The following CNTN5 variants were observed in gnomAD, a reference collection of about 807,000 sequenced individuals.
The protein encoded by CNTN5 is contactin 5.
A neutral mutation model predicts 129.1 loss-of-function variants in CNTN5; 77 were observed. The ratio of observed to expected loss-of-function variants is 0.60; its 90% CI spans 0.50 to 0.72. The LOEUF is 0.72. CNTN5 is among the 30% of genes least tolerant of loss of function. The probability of loss-of-function intolerance (pLI) is 0.00; values close to 1 mark genes in which losing one functional copy is unlikely to be tolerated. For synonymous variants in CNTN5, 509 were observed against 465.6 expected (o/e 1.09, Z -1.20); for missense variants, 1,478 against 1,328.8 (o/e 1.11, Z -1.75).
At chr11:99,277,551 T>C (rs2135877811) in intron 1 of CNTN5, among the ~76,000 whole-genome samples, 1 of 151,852 alleles carries the variant, frequency 6.6e-6, no homozygotes, top group South Asian at 2.1e-4. Context: ...ACATTGTTTT[T>C]TTCTGGGACA....
chr11:99,196,202 C>T (rs1260425067), intron 1 of CNTN5, among the ~76,000 whole-genome samples: 1 of 151,252 alleles, frequency 6.6e-6, no homozygotes, highest in African/African-American at 2.4e-5. Flanking sequence ...AATTAAACAA[C>T]AATCTGTTAA....
intron 20 of CNTN5, among the ~76,000 whole-genome samples, chr11:100,302,889 T>C (rs946388375): frequency 6.6e-6 from 1 of 151,664 alleles, no homozygotes; most frequent in African/African-American, 2.4e-5. Flanking sequence ...TGACATGTTT[T>C]TCAAAGAAAA....
At chr11:100,104,608 G>A (rs4754667) in intron 13 of CNTN5, among the ~76,000 whole-genome samples, 14,006 of 152,080 alleles carry the variant, frequency 0.092, 807 homozygotes, top group Admixed American at 0.13. Flanking sequence ...TTAGGTGAAG[G>A]TAACAGTTAA....
rs552699144 is a variant in CNTN5, at chr11:99,332,743, A to T, written c.-71+7259A>T. Among the ~76,000 whole-genome samples, 3 of 152,162 alleles carry T rather than the reference A, an allele frequency of 2.0e-5. No homozygotes were observed. In the East Asian group the frequency reaches 5.8e-4, roughly 29 times the overall value. On this transcript the variant is annotated intron_variant, in intron 2 of 24. Coordinates refer to ENST00000524871, the MANE Select transcript of CNTN5 (RefSeq NM_014361.4). ...CAGTGACAAGATGTCAAAATTAGGAAGCAGAAAACCCCTGCAGCTAATGTA... is the reference window on the plus strand; with the variant it reads ...CAGTGACAAGATGTCAAAATTAGGATGCAGAAAACCCCTGCAGCTAATGTA...
intron 1 of CNTN5, among the ~76,000 whole-genome samples, chr11:99,164,501 G>T (rs1468948621): frequency 6.6e-6 from 1 of 152,088 alleles, no homozygotes; most frequent in Non-Finnish European, 1.5e-5. Context: ...ATTAATTGGT[G>T]CTTCATTTTT....
At chr11:99,401,884 T>C (rs1338245437) in intron 2 of CNTN5, among the ~76,000 whole-genome samples, 3 of 152,130 alleles carry the variant, frequency 2.0e-5, no homozygotes, top group Non-Finnish European at 4.4e-5. Context: ...ACTGTTAGCA[T>C]ATAGAAATTC....
chr11:100,256,207 C>G (rs1250398379), intron 17 of CNTN5, among the ~76,000 whole-genome samples: 1 of 152,030 alleles, frequency 6.6e-6, no homozygotes, highest in Non-Finnish European at 1.5e-5. Flanking sequence ...TCCTGTGGAC[C>G]CACTCCCCAG....
chr11:100,211,726 T>G (rs921599489), intron 15 of CNTN5, among the ~76,000 whole-genome samples: 1 of 152,192 alleles, frequency 6.6e-6, no homozygotes, highest in Non-Finnish European at 1.5e-5. Context: ...AACCCTAGCT[T>G]TCAGCTCTAA....
Position 100,340,459 on chromosome 11 carries a change from A to C in CNTN5, c.2731-4A>C, listed in dbSNP as rs778736705. On this transcript the variant is annotated splice_region_variant and splice_polypyrimidine_tract_variant and intron_variant, in intron 21 of 24. Transcript: ENST00000524871. Reference sequence around the variant, plus strand: ...TAACCTGCCATGTGATAATTTGTTGATAGGTTGGTTACTGGAAAGACATGG... The same window carrying C: ...TAACCTGCCATGTGATAATTTGTTGCTAGGTTGGTTACTGGAAAGACATGG... 6.2e-7 allele frequency: 1 copy of C among 1,600,470 alleles called. No homozygotes were observed. The highest frequency in any genetic ancestry group is 1.1e-5 in the South Asian group (1 of 89,070).
intron 6 of CNTN5, among the ~76,000 whole-genome samples, chr11:99,860,285 T>A (rs1188044064): frequency 6.6e-6 from 1 of 152,130 alleles, no homozygotes; most frequent in East Asian, 1.9e-4. Context: ...AGTTTCTTTT[T>A]TTTTGTTGAG....
intron 2 of CNTN5, among the ~76,000 whole-genome samples, chr11:99,461,854 G>A: frequency 6.6e-6 from 1 of 152,084 alleles, no homozygotes; most frequent in South Asian, 2.1e-4. Flanking sequence ...ATAGAATTGT[G>A]TTACAATATC....
At chr11:99,780,108 C>T (rs546940921) in intron 3 of CNTN5, among the ~76,000 whole-genome samples, 1 of 152,016 alleles carries the variant, frequency 6.6e-6, no homozygotes, top group African/African-American at 2.4e-5. Flanking sequence ...GCAACGTTGC[C>T]TCTTCTCTTG....
chr11:100,337,627 G>T (rs1258208049), intron 21 of CNTN5: 1 of 699,652 alleles, frequency 1.4e-6, no homozygotes, highest in Non-Finnish European at 2.7e-6. Context: ...GCAGAATAAC[G>T]GGAACTAATT....
intron 3 of CNTN5, among the ~76,000 whole-genome samples, chr11:99,672,317 C>T (rs1001253095): frequency 6.6e-6 from 1 of 151,902 alleles, no homozygotes; most frequent in East Asian, 1.9e-4. Context: ...CCACCACGTC[C>T]TATAGTTTTT....
chr11:99,763,662 T>C (rs917797656), intron 3 of CNTN5, among the ~76,000 whole-genome samples: 3 of 152,054 alleles, frequency 2.0e-5, no homozygotes, highest in Non-Finnish European at 4.4e-5. Flanking sequence ...AATACAATTT[T>C]ACATTCGATT....
chr11:100,119,830 A>C (rs756121566), intron 13 of CNTN5, among the ~76,000 whole-genome samples: 4 of 151,916 alleles, frequency 2.6e-5, no homozygotes, highest in Non-Finnish European at 5.9e-5. Flanking sequence ...TTTATACCTA[A>C]AAATTGTCAT....
intron 3 of CNTN5, among the ~76,000 whole-genome samples, chr11:99,655,208 T>A (rs758952704): frequency 2.0e-5 from 3 of 152,080 alleles, no homozygotes; most frequent in Non-Finnish European, 4.4e-5. Context: ...GAAGGGACAA[T>A]GAGTATCAAA....
chr11:99,389,320 G>A (rs1380019381), intron 2 of CNTN5, among the ~76,000 whole-genome samples: 6 of 151,944 alleles, frequency 3.9e-5, no homozygotes, highest in Non-Finnish European at 1.5e-5. Context: ...GAGCCACCGT[G>A]CCTGGCCTCC....
chr11:99,526,593 G>T (rs867251051), intron 2 of CNTN5, among the ~76,000 whole-genome samples: 40 of 152,192 alleles, frequency 2.6e-4, no homozygotes, highest in African/African-American at 8.4e-4. Context: ...GTGGGAATCT[G>T]TAGCAAATTG....
Sources: allele counts gnomAD v4.1 joint callset (sites outside exome capture counted in the v4.1 genomes callset), GRCh38; gene constraint gnomAD v4.1.1; transcripts MANE v1.5; gene names NCBI Gene and HGNC (gene_info 2026-07-23, HGNC 2026-07-21).